Variants in SERAC1 observed in about 807,000 individuals in gnomAD.
SERAC1 encodes the protein serine active site containing 1.
Under a neutral mutation model 85.7 loss-of-function variants are expected in SERAC1, and 36 were observed. That is an observed-to-expected ratio of 0.42 (90% CI 0.32 to 0.55). SERAC1 has a LOEUF of 0.55. SERAC1 is among the 20% of genes least tolerant of loss of function. The probability of loss-of-function intolerance (pLI) is 0.11; values close to 1 mark genes in which losing one functional copy is unlikely to be tolerated. For synonymous variants in SERAC1, 242 were observed against 265.3 expected, an observed-to-expected ratio of 0.91 and a Z score of 0.85; for missense variants, 629 against 796.2, an observed-to-expected ratio of 0.79 and a Z score of 2.53.
intron 12 of SERAC1, 44 bp downstream of exon 12, chr6:158,118,985 A>C (rs1562434811): frequency 1.3e-6 from 2 of 1,578,672 alleles, no homozygotes; most frequent in Non-Finnish European, 1.7e-6. Context: ...GGCCCCAGCA[A>C]CCAGGGCCCC....
chr6:158,111,283 G>T lies in SERAC1; in HGVS notation c.*83C>A. 2.4e-6 allele frequency: 3 copies of T among 1,263,238 alleles called. No individual in the cohort carries two copies. Among genetic ancestry groups the T allele is most frequent in the African/African-American group, 1.5e-5 (1 of 66,902 alleles). The allele number at this position is 1,263,238 out of a possible 1,614,324, so 78.3% of individuals were successfully genotyped here. On this transcript the variant is annotated 3_prime_UTR_variant, in exon 17 of 17. Transcript: ENST00000647468. ...GACGCTATGATCACTATGTTTGCAT[G>T]ATTGCATAGAGCTTAAAAGAAGAAA...
intron 1 of SERAC1, among the ~76,000 whole-genome samples, chr6:158,165,424 G>A (rs879868766): frequency 2.6e-5 from 4 of 152,032 alleles, no homozygotes; most frequent in Non-Finnish European, 4.4e-5. Flanking sequence ...CAAAGTGCTG[G>A]GATTACAAGC....
intron 10 of SERAC1, among the ~76,000 whole-genome samples, chr6:158,122,503 C>T (rs1240299272): frequency 6.6e-6 from 1 of 152,118 alleles, no homozygotes; most frequent in African/African-American, 2.4e-5. Flanking sequence ...TACAATGGGC[C>T]AGGCGTGGTG....
rs769839222 is a variant in SERAC1, at chr6:158,128,149, A to G, written c.974T>C (p.Met325Thr). ...QRNIMRVIGNMALNEHLHSSI... is the reference protein window; with the variant it reads ...QRNIMRVIGNTALNEHLHSSI... ...AGAATGAAGATGTTCATTCAAAGCC[A>G]TATTTCCAATGACACGCATTATATT... Residue 325 changes from methionine (M) to threonine (T), a missense_variant, in exon 10 of 17, where the codon ATG becomes ACG. Coordinates refer to ENST00000647468, the MANE Select transcript of SERAC1 (RefSeq NM_032861.4). The G allele has an allele frequency of 1.4e-5, 23 of 1,614,062 alleles. 1 individual carries two copies. The highest frequency in any genetic ancestry group is 1.1e-4 in the South Asian group (10 of 91,084).
chr6:158,150,090 T>C (rs1477826341), intron 4 of SERAC1, among the ~76,000 whole-genome samples: 1 of 152,230 alleles, frequency 6.6e-6, no homozygotes, highest in Non-Finnish European at 1.5e-5. Context: ...TTGGTTTGCA[T>C]GAATACATCC....
In SERAC1 at chr6:158,111,451, C is replaced by T; in HGVS notation, c.1880G>A (p.Cys627Tyr). ...IPVDVNHLNI[C>Y]KPKKKDAFLY... The stretch of plus-strand genomic sequence containing the variant: ...AAAAGCATCCTTTTTCTTTGGCTTA[C>T]AAATGTTCAAATGGTTAACATCCAC... Residue 627 changes from cysteine to tyrosine, a missense_variant, in exon 17 of 17, where the codon TGT becomes TAT. Physicochemically the swap from Cys to Tyr is radical, Grantham distance 194. Transcript: ENST00000647468. 2.5e-6 allele frequency: 4 copies of T among 1,610,980 alleles called. No homozygotes were observed. The highest frequency in any genetic ancestry group is 3.4e-6 in the Non-Finnish European group (4 of 1,178,816).
Position 158,140,415 on chromosome 6 carries a change from C to T in SERAC1, c.738+2641G>A, listed in dbSNP as rs190347619. On this transcript the variant is annotated intron_variant, in intron 8 of 16. Coordinates refer to ENST00000647468, the MANE Select transcript of SERAC1 (RefSeq NM_032861.4). Reference sequence around the variant, plus strand: ...CAGGGTTCAGAAAGTTTCTGGATACCGGAACCCGTGGAGATGTCTGGAGGG... The same window carrying T: ...CAGGGTTCAGAAAGTTTCTGGATACTGGAACCCGTGGAGATGTCTGGAGGG... Among the ~76,000 whole-genome samples the T allele has an allele frequency of 2.6e-5, 4 of 152,262 alleles. No individual in the cohort carries two copies. In the East Asian group the frequency reaches 5.8e-4, roughly 22 times the overall value.
At chr6:158,151,200 G>A (rs1454086907) in intron 3 of SERAC1, 1 of 152,050 alleles carries the variant, frequency 6.6e-6, no homozygotes, top group Non-Finnish European at 1.5e-5. Flanking sequence ...CCCTGTGTAG[G>A]CCTAGGCTAA....
In SERAC1 at chr6:158,120,692, G is replaced by T; in HGVS notation, c.1016-117C>A. 1 of 1,137,308 alleles carries T rather than the reference G, an allele frequency of 8.8e-7. No individual in the cohort carries two copies. The highest frequency in any genetic ancestry group is 1.2e-6 in the Non-Finnish European group (1 of 820,082). 70.5% of individuals were successfully genotyped at this position (1,137,308 alleles called of 1,614,324 possible). ...AGGCAAACCTTGCGTGTCTGTCCTT[G>T]GCGGAGAAGTCCGACTATTCCAACC... On this transcript the variant is annotated intron_variant, in intron 10 of 16. Coordinates refer to ENST00000647468, the MANE Select transcript of SERAC1 (RefSeq NM_032861.4). This position sits in a 1 kb window ranked among gnomAD's most constrained non-coding sequence, Gnocchi z 4.4.
intron 8 of SERAC1, among the ~76,000 whole-genome samples, chr6:158,137,350 C>A (rs1422105401): frequency 7.0e-6 from 1 of 142,020 alleles, no homozygotes; most frequent in Admixed American, 6.9e-5. Context: ...CTTCATTAAA[C>A]ATAAAGCATT....
At position 158,116,280 on chromosome 6, in the gene SERAC1, T is replaced by G; in HGVS notation, c.1406A>C (p.Lys469Thr). 1 of 1,613,758 alleles carries G rather than the reference T, an allele frequency of 6.2e-7. No individual in the cohort carries two copies. Among genetic ancestry groups the G allele is most frequent in the Non-Finnish European group, 8.5e-7 (1 of 1,179,688 alleles). Residue 469 changes from lysine (K) to threonine (T), a missense_variant and splice_region_variant, in exon 14 of 17, where the codon AAG becomes ACG. Physicochemically the swap from Lys to Thr is moderately conservative, Grantham distance 78. Transcript: ENST00000647468. ...TTCGTTGCTTCTGAATGCAATGGAC[T>G]TTCTGAACAAAACAAAAACAGCAGG... ...DWRARCPMERKSIAFRSNELL... is the reference protein window; with the variant it reads ...DWRARCPMERTSIAFRSNELL...
chr6:158,149,371 C>T (rs1207822681), intron 4 of SERAC1, among the ~76,000 whole-genome samples: 6 of 152,100 alleles, frequency 3.9e-5, no homozygotes, highest in African/African-American at 1.2e-4. Context: ...AAAGAAAATA[C>T]AAAATAACAC....
rs112328208 is a variant in SERAC1 at position 158,163,420 on chromosome 6, A to G, written c.-2+4720T>C. 1.7e-3 allele frequency among the ~76,000 whole-genome samples: 262 copies of G among 152,320 alleles called. 1 individual carries two copies. The highest frequency in any genetic ancestry group is 6.0e-3 in the African/African-American group (250 of 41,564). On this transcript the variant is annotated intron_variant, in intron 1 of 16. Coordinates refer to ENST00000647468, the MANE Select transcript of SERAC1 (RefSeq NM_032861.4). ...ACAATAAAAAGTATACCATAGGGCC[A>G]AGTGTGGTGGCTCATGCCTATAATC... is the stretch of plus-strand genomic sequence containing the variant.
At chr6:158,144,526 T>C in intron 6 of SERAC1, 106 bp from the exon 7 acceptor site, 1 of 1,085,468 alleles carries the variant, frequency 9.2e-7, no homozygotes, top group Non-Finnish European at 1.3e-6. Context: ...TAAACTGCTC[T>C]GCAAATTTGT....
chr6:158,143,329 CTCTCTCTCTCTCTCTCTCTA>C (rs1334438262), intron 7 of SERAC1, 145 bp from the exon 8 acceptor site: 25 of 220,216 alleles, frequency 1.1e-4, no homozygotes, highest in African/African-American at 3.4e-4. Flanking sequence ...CTCTCTCTCT[CTCTCTCTCTCTCTCTCTCTA>C]TATATATATA....
intron 1 of SERAC1, among the ~76,000 whole-genome samples, chr6:158,164,015 G>A (rs1785542798): frequency 6.6e-6 from 1 of 151,932 alleles, no homozygotes; most frequent in African/African-American, 2.4e-5. Flanking sequence ...GATTACAGGT[G>A]TGAGCCACCG....
chr6:158,159,078 G>C (rs911716333), intron 1 of SERAC1: 4 of 151,982 alleles, frequency 2.6e-5, no homozygotes, highest in Admixed American at 2.0e-4. Flanking sequence ...AAGGAAGGAA[G>C]GTACCTTGAA....
intron 7 of SERAC1, among the ~76,000 whole-genome samples, chr6:158,143,810 G>C (rs933185668): frequency 6.6e-6 from 1 of 152,076 alleles, no homozygotes; most frequent in African/African-American, 2.4e-5. Context: ...TTCTCAACCA[G>C]GGCCTGTTTT....
At chr6:158,131,553 C>T (rs1288206009) in intron 8 of SERAC1, among the ~76,000 whole-genome samples, 2 of 150,862 alleles carry the variant, frequency 1.3e-5, no homozygotes, top group East Asian at 1.9e-4. Flanking sequence ...TAATGAGAGG[C>T]GTGCACACTG....
Sources: allele counts gnomAD v4.1 joint callset (sites outside exome capture counted in the v4.1 genomes callset), GRCh38; gene constraint gnomAD v4.1.1; non-coding constraint Gnocchi (gnomAD v3.1); transcripts MANE v1.5; gene names NCBI Gene and HGNC (gene_info 2026-07-23, HGNC 2026-07-21).